Variants in ACOXL observed in about 807,000 individuals in gnomAD.
ACOXL encodes acyl-CoA oxidase like.
Under a neutral mutation model 71.9 loss-of-function variants are expected in ACOXL, and 70 were observed. The ratio of observed to expected loss-of-function variants is 0.97; its 90% CI spans 0.80 to 1.19. ACOXL has a LOEUF of 1.19. ACOXL is among the 50% of genes most tolerant of loss of function. ACOXL has a pLI of 0.00. For synonymous variants in ACOXL, 253 were observed against 281.6 expected, an observed-to-expected ratio of 0.90 and a Z score of 1.02; for missense variants, 703 against 736.3, an observed-to-expected ratio of 0.95 and a Z score of 0.52.
intron 10 of ACOXL, among the ~76,000 whole-genome samples, chr2:110,881,429 A>G (rs1457818515): frequency 6.6e-6 from 1 of 152,178 alleles, no homozygotes; most frequent in African/African-American, 2.4e-5. Context: ...CTCTTTTAAT[A>G]TAACCTGTTT....
At chr2:110,951,582 G>T (rs903389415) in intron 12 of ACOXL, among the ~76,000 whole-genome samples, 2 of 152,158 alleles carry the variant, frequency 1.3e-5, no homozygotes, top group Non-Finnish European at 2.9e-5. Context: ...TTCGGTGTGG[G>T]ACTTGTGCAG....
intron 10 of ACOXL, among the ~76,000 whole-genome samples, chr2:110,872,922 A>G (rs2149048761): frequency 6.6e-6 from 1 of 152,340 alleles, no homozygotes; most frequent in East Asian, 1.9e-4. Context: ...GTGACACCTC[A>G]CGGGGCTGCG....
chr2:110,793,870 A>G (rs1684966264), intron 4 of ACOXL, 134 bp downstream of exon 4: 2 of 928,008 alleles, frequency 2.2e-6, no homozygotes, highest in East Asian at 2.5e-5. Context: ...TCTTGTTGAA[A>G]ATGAGAATTC....
At chr2:110,754,849 C>A (rs192292020) in intron 1 of ACOXL, among the ~76,000 whole-genome samples, 10 of 152,282 alleles carry the variant, frequency 6.6e-5, no homozygotes. Flanking sequence ...AGGGTGTATA[C>A]CTGGGATTGC....
At chr2:111,102,879 G>A (rs970561051) in intron 17 of ACOXL, among the ~76,000 whole-genome samples, 2 of 152,046 alleles carry the variant, frequency 1.3e-5, no homozygotes, top group Admixed American at 6.5e-5. Flanking sequence ...TTTTCTGATG[G>A]TAAGTTACCT....
At chr2:110,846,979 A>T (rs1313164870) in intron 10 of ACOXL, among the ~76,000 whole-genome samples, 1 of 151,948 alleles carries the variant, frequency 6.6e-6, no homozygotes, top group Non-Finnish European at 1.5e-5. Flanking sequence ...ATGGCGCTTT[A>T]ATTTATTTTT....
At chr2:110,844,806 C>T (rs1377131385) in intron 10 of ACOXL, among the ~76,000 whole-genome samples, 1 of 152,116 alleles carries the variant, frequency 6.6e-6, no homozygotes, top group Non-Finnish European at 1.5e-5. Context: ...TTTTGCCTCC[C>T]AAAGTGCTGG....
intron 14 of ACOXL, among the ~76,000 whole-genome samples, chr2:111,010,872 G>A (rs577124961): frequency 6.6e-6 from 1 of 152,146 alleles, no homozygotes; most frequent in South Asian, 2.1e-4. Context: ...GTATTAAAAT[G>A]AAATAAAAGC....
intron 10 of ACOXL, among the ~76,000 whole-genome samples, chr2:110,857,705 A>T (rs1260899453): frequency 1.3e-5 from 2 of 151,874 alleles, no homozygotes; most frequent in African/African-American, 4.8e-5. Flanking sequence ...ATTTATTTTT[A>T]ACATAGTTTT....
chr2:110,856,770 A>G (rs912259262), intron 10 of ACOXL, among the ~76,000 whole-genome samples: 9 of 152,222 alleles, frequency 5.9e-5, no homozygotes, highest in Non-Finnish European at 1.0e-4. Flanking sequence ...GGTTTTAAAC[A>G]TTTAGTGGAG....
intron 9 of ACOXL, among the ~76,000 whole-genome samples, chr2:110,831,247 C>T (rs1490266574): frequency 6.6e-6 from 1 of 152,218 alleles, no homozygotes; most frequent in East Asian, 1.9e-4. Context: ...GAGGAACCTA[C>T]ACCCCCACAC....
intron 14 of ACOXL, among the ~76,000 whole-genome samples, chr2:111,000,028 G>T (rs1334502076): frequency 6.6e-6 from 1 of 152,172 alleles, no homozygotes; most frequent in Admixed American, 6.5e-5. Context: ...CCAAAAGTTG[G>T]GTGCTGACAT....
chr2:111,064,718 C>T (rs886690888), intron 16 of ACOXL, among the ~76,000 whole-genome samples: 4 of 152,080 alleles, frequency 2.6e-5, no homozygotes, highest in African/African-American at 4.8e-5. Flanking sequence ...TTACTAGTAT[C>T]GGACACCTGG....
At chr2:110,930,394 C>T (rs1187614172) in intron 11 of ACOXL, among the ~76,000 whole-genome samples, 1 of 152,236 alleles carries the variant, frequency 6.6e-6, no homozygotes, top group Non-Finnish European at 1.5e-5. Context: ...ACCATTGTAT[C>T]TAGGAAGTAA....
intron 13 of ACOXL, among the ~76,000 whole-genome samples, chr2:110,994,887 G>C (rs1314398345): frequency 6.6e-6 from 1 of 152,114 alleles, no homozygotes; most frequent in Non-Finnish European, 1.5e-5. Flanking sequence ...ACCTGAGCTT[G>C]ACTGAGTTCT....
intron 11 of ACOXL, among the ~76,000 whole-genome samples, chr2:110,931,027 A>T (rs1265672591): frequency 6.6e-6 from 1 of 152,222 alleles, no homozygotes; most frequent in Non-Finnish European, 1.5e-5. Flanking sequence ...TTCTTGAGAC[A>T]TCACCTATTA....
At chr2:110,818,162 A>C (rs1257344104) in intron 9 of ACOXL, among the ~76,000 whole-genome samples, 1 of 151,886 alleles carries the variant, frequency 6.6e-6, no homozygotes, top group Non-Finnish European at 1.5e-5. Flanking sequence ...TGGGAGGTCA[A>C]GTCGGGGGGA....
intron 14 of ACOXL, among the ~76,000 whole-genome samples, chr2:111,017,141 C>G (rs181833325): frequency 6.6e-6 from 1 of 152,214 alleles, no homozygotes; most frequent in Non-Finnish European, 1.5e-5. Context: ...GAAGTTCCCC[C>G]CTGATTAGGG....
intron 17 of ACOXL, among the ~76,000 whole-genome samples, chr2:111,095,703 C>T (rs1293553373): frequency 6.6e-6 from 1 of 152,074 alleles, no homozygotes; most frequent in Non-Finnish European, 1.5e-5. Context: ...CTTTTGTATT[C>T]TTACAGTGCC....
Sources: gnomAD v4.1 joint callset for allele counts (sites outside exome capture counted in the v4.1 genomes callset) on GRCh38, gnomAD v4.1.1 for gene constraint, MANE v1.5 for transcripts, NCBI Gene and HGNC (gene_info 2026-07-23, HGNC 2026-07-21) for gene names.